Variants in CFAP61 observed in about 807,000 individuals in gnomAD.
The protein encoded by CFAP61 is cilia- and flagella-associated protein 61.
In CFAP61, 107 loss-of-function variants were observed where a neutral mutation model predicts 135.6. The observed-to-expected ratio is 0.79, with a 90% CI of 0.67 to 0.93. The LOEUF (loss-of-function observed/expected upper bound fraction) is 0.93. CFAP61 is among the 40% of genes least tolerant of loss of function. The pLI, the probability that CFAP61 is intolerant of heterozygous loss-of-function variation, is 0.00. For synonymous variants in CFAP61, 575 were observed against 578.5 expected (o/e 0.99, Z 0.09); for missense variants, 1,507 against 1,556.2 (o/e 0.97, Z 0.53).
chr20:20,071,821 G>A (rs1033734452), intron 3 of CFAP61, among the ~76,000 whole-genome samples: 1 of 152,070 alleles, frequency 6.6e-6, no homozygotes, highest in Non-Finnish European at 1.5e-5. Context: ...CTCATCTTTT[G>A]TGTTCTCTCC....
intron 9 of CFAP61, among the ~76,000 whole-genome samples, chr20:20,158,712 C>T (rs754652920): frequency 2.0e-5 from 3 of 152,128 alleles, no homozygotes; most frequent in Non-Finnish European, 4.4e-5. Context: ...TGACAAAAAT[C>T]ATATCAGTAT....
intron 25 of CFAP61, among the ~76,000 whole-genome samples, chr20:20,341,161 G>C (rs2058430585): frequency 6.6e-6 from 1 of 152,160 alleles, no homozygotes; most frequent in Non-Finnish European, 1.5e-5. Flanking sequence ...TAAGTTCCCT[G>C]TTCCAAGACA....
intron 8 of CFAP61, among the ~76,000 whole-genome samples, chr20:20,113,841 CTG>C (rs2146675609): frequency 6.6e-6 from 1 of 152,116 alleles, no homozygotes; most frequent in African/African-American, 2.4e-5. Flanking sequence ...CAACAATACA[CTG>C]TCTTAATTAC....
intron 16 of CFAP61, among the ~76,000 whole-genome samples, chr20:20,197,389 T>C (rs1331742227): frequency 6.6e-6 from 1 of 152,196 alleles, no homozygotes; most frequent in Non-Finnish European, 1.5e-5. Flanking sequence ...TCCTCCATCT[T>C]ACTTGCATAC....
chr20:20,315,476 A>G (rs1232837871), intron 25 of CFAP61, among the ~76,000 whole-genome samples: 1 of 152,148 alleles, frequency 6.6e-6, no homozygotes, highest in East Asian at 1.9e-4. Flanking sequence ...ATTTTCTCGC[A>G]TTGTGTAGGT....
chr20:20,110,435 G>GA (rs1472476101), intron 8 of CFAP61, among the ~76,000 whole-genome samples: 1 of 152,098 alleles, frequency 6.6e-6, no homozygotes, highest in African/African-American at 2.4e-5. Flanking sequence ...TCCAAGGAAA[G>GA]AAATCTGCAA....
At chr20:20,323,178 T>C (rs1232966935) in intron 25 of CFAP61, 7 of 985,324 alleles carry the variant, frequency 7.1e-6, no homozygotes, top group Non-Finnish European at 6.0e-6. Flanking sequence ...CCAGTATACC[T>C]TTAAAGAGGG....
rs1288333051 is a variant in CFAP61 at position 20,130,660 on chromosome 20, A to C, written c.860-12197A>C. ...TTAAGCCCAGGTTTGCATCAATTCT[A>C]GCAAACAGTCAGAGTGCCACCCATC... On this transcript the variant is annotated intron_variant, in intron 8 of 26. Transcript: ENST00000245957. Among the ~76,000 whole-genome samples, 3 of 151,724 alleles carry C rather than the reference A, an allele frequency of 2.0e-5. 1 individual carries two copies. The highest frequency in any genetic ancestry group is 7.3e-5 in the African/African-American group (3 of 41,038).
chr20:20,229,401 A>G (rs553933712), intron 18 of CFAP61, among the ~76,000 whole-genome samples: 188 of 152,328 alleles, frequency 1.2e-3, no homozygotes, highest in African/African-American at 3.7e-3. Flanking sequence ...ACCCTGAATT[A>G]AGAGTCCAGT....
chr20:20,174,786 A>T (rs2054484615), intron 13 of CFAP61, among the ~76,000 whole-genome samples: 1 of 152,138 alleles, frequency 6.6e-6, no homozygotes, highest in Non-Finnish European at 1.5e-5. Context: ...GTGTGCTAAC[A>T]AATGAATTTG....
At chr20:20,155,718 A>G (rs1194291217) in intron 9 of CFAP61, among the ~76,000 whole-genome samples, 1 of 152,046 alleles carries the variant, frequency 6.6e-6, no homozygotes, top group African/African-American at 2.4e-5. Context: ...ACCACAATGG[A>G]ATGTCACCTT....
chr20:20,279,282 C>T (rs972017172), intron 22 of CFAP61, among the ~76,000 whole-genome samples: 1 of 152,170 alleles, frequency 6.6e-6, no homozygotes, highest in Admixed American at 6.5e-5. Flanking sequence ...AAGTTGAAAA[C>T]CCACATAGAG....
chr20:20,336,982 G>A (rs1212718563), intron 25 of CFAP61, among the ~76,000 whole-genome samples: 9 of 152,240 alleles, frequency 5.9e-5, no homozygotes, highest in Non-Finnish European at 1.2e-4. Flanking sequence ...TGACACAGGC[G>A]TGAGGGCCAT....
At chr20:20,177,279 T>G (rs2054701410) in intron 13 of CFAP61, among the ~76,000 whole-genome samples, 1 of 151,982 alleles carries the variant, frequency 6.6e-6, no homozygotes, top group South Asian at 2.1e-4. Context: ...ATTTCAAAAT[T>G]TAGGTTAACG....
chr20:20,079,566 C>T (rs899356722), intron 6 of CFAP61, among the ~76,000 whole-genome samples: 4 of 152,064 alleles, frequency 2.6e-5, no homozygotes, highest in Admixed American at 2.6e-4. Context: ...AATGTGATCC[C>T]GTTTTTCCTA....
intron 9 of CFAP61, among the ~76,000 whole-genome samples, chr20:20,148,844 G>A (rs1167418938): frequency 1.3e-5 from 2 of 152,148 alleles, no homozygotes; most frequent in Admixed American, 6.5e-5. Context: ...AATAGAAGTG[G>A]TGAAAGTGGG....
chr20:20,176,192 G>A (rs1021078489), intron 13 of CFAP61, among the ~76,000 whole-genome samples: 2 of 152,196 alleles, frequency 1.3e-5, no homozygotes, highest in Middle Eastern at 3.4e-3. Context: ...TTATTAAAAA[G>A]TCAAGCAACA....
chr20:20,332,977 C>G (rs1297614107), intron 25 of CFAP61, among the ~76,000 whole-genome samples: 1 of 152,166 alleles, frequency 6.6e-6, no homozygotes, highest in Non-Finnish European at 1.5e-5. Context: ...ACGATGTCCT[C>G]TTACCTTTAT....
At chr20:20,313,068 C>T (rs1447450958) in intron 25 of CFAP61, among the ~76,000 whole-genome samples, 9 of 152,136 alleles carry the variant, frequency 5.9e-5, no homozygotes, top group Admixed American at 5.9e-4. Context: ...AAGCTCTAAC[C>T]CCCTATGTGA....
Sources: gnomAD v4.1 joint callset for allele counts (sites outside exome capture counted in the v4.1 genomes callset) on GRCh38, gnomAD v4.1.1 for gene constraint, MANE v1.5 for transcripts, NCBI Gene and HGNC (gene_info 2026-07-23, HGNC 2026-07-21) for gene names.